The following MACO1 variants were observed in gnomAD, a reference collection of about 807,000 sequenced individuals.
The protein encoded by MACO1 is macoilin.
Under a neutral mutation model 78.7 loss-of-function variants are expected in MACO1, and 14 were observed. The observed-to-expected ratio is 0.18, with a 90% confidence interval of 0.12 to 0.28. The LOEUF (loss-of-function observed/expected upper bound fraction) is 0.28, where lower values mean the gene tolerates loss of function less well. Ranked by LOEUF, MACO1 falls within the 10% of genes least tolerant of loss-of-function variation. MACO1 has a pLI of 1.00. For synonymous variants in MACO1, 288 were observed against 291.6 expected (o/e 0.99, Z 0.12); for missense variants, 501 against 799.0 (o/e 0.63, Z 4.50).
intron 4 of MACO1, 56 bp downstream of exon 4, chr1:25,454,438 ATGTGTGTGTGTGTGTGTG>A (rs71589767): frequency 7.7e-6 from 2 of 258,916 alleles, no homozygotes; most frequent in Non-Finnish European, 5.7e-6. Flanking sequence ...ATGTATATAT[ATGTGTGTGTGTGTGTGTG>A]TGTGTGTGTG....
Position 25,485,816 on chromosome 1 carries a change from T to C in MACO1, c.1496+21T>C, listed in dbSNP as rs765443415. ...TCTAGGTATGTCCATGTCACCTGAG[T>C]GTTTAATCCAAGGTTGGCTTTCCTT... On this transcript the variant is annotated intron_variant, in intron 8 of 10. Coordinates refer to ENST00000374343, the MANE Select transcript of MACO1 (RefSeq NM_018202.6). The surrounding 1 kb of genome is among the most constrained non-coding windows in gnomAD (Gnocchi z 4.3). 3.8e-6 allele frequency: 6 copies of C among 1,591,532 alleles called. No homozygotes were observed. The highest frequency in any genetic ancestry group is 4.3e-6 in the Non-Finnish European group (5 of 1,169,924).
chr1:25,496,578 G>A (rs2043539106), intron 10 of MACO1, among the ~76,000 whole-genome samples: 1 of 152,144 alleles, frequency 6.6e-6, no homozygotes, highest in Non-Finnish European at 1.5e-5. Flanking sequence ...GTGAGGCTTT[G>A]GAACAAAGTG....
Position 25,458,634 on chromosome 1 carries a change from A to G in MACO1, c.896A>G (p.Asn299Ser). The change falls in exon 6 of 11, where the codon AAT (asparagine) becomes AGT (serine). Residue 299 changes from asparagine to serine, a missense_variant. Asn to Ser is a conservative substitution (Grantham distance 46). This residue lies in a region of MACO1 where 90 missense variants were observed against 85.7 expected (regional missense o/e 1.05). Coordinates refer to ENST00000374343, the MANE Select transcript of MACO1 (RefSeq NM_018202.6). ...MENHINSKRL[N>S]NDLVGSTENL... ...AACCATATCAATAGTAAAAGATTAAATAATGATCTTGTGGGAAGTACAGAA... is the reference window on the plus strand; with the variant it reads ...AACCATATCAATAGTAAAAGATTAAGTAATGATCTTGTGGGAAGTACAGAA... 1 of 1,614,140 alleles carries G rather than the reference A, an allele frequency of 6.2e-7. No homozygotes were observed. Among genetic ancestry groups the G allele is most frequent in the South Asian group, 1.1e-5 (1 of 91,080 alleles).
At chr1:25,450,240 T>C (rs778106333) in intron 3 of MACO1, among the ~76,000 whole-genome samples, 21 of 152,208 alleles carry the variant, frequency 1.4e-4, no homozygotes, top group Non-Finnish European at 2.6e-4. Flanking sequence ...CTTTTCCTTA[T>C]ATATTTTAAG....
At chr1:25,464,486 A>G (rs1412246526) in intron 6 of MACO1, among the ~76,000 whole-genome samples, 4 of 151,436 alleles carry the variant, frequency 2.6e-5, no homozygotes, top group African/African-American at 9.7e-5. Context: ...TTGGGATTAC[A>G]GGCAGCTGCC....
intron 3 of MACO1, among the ~76,000 whole-genome samples, chr1:25,450,318 A>C (rs2043054351): frequency 2.0e-5 from 3 of 152,114 alleles, no homozygotes; most frequent in African/African-American, 7.2e-5. Context: ...TTCTGACTAG[A>C]GTAGAGCTCC....
At chr1:25,445,412 A>G (rs1039953939) in intron 1 of MACO1, among the ~76,000 whole-genome samples, 2 of 152,166 alleles carry the variant, frequency 1.3e-5, no homozygotes, top group East Asian at 3.8e-4. Context: ...GATAAATATT[A>G]GAAATCGACC....
At chr1:25,477,358 G>C (rs1006209841) in intron 6 of MACO1, among the ~76,000 whole-genome samples, 1 of 149,150 alleles carries the variant, frequency 6.7e-6, no homozygotes, top group Non-Finnish European at 1.5e-5. Context: ...CTGATGTGAA[G>C]GGTTTGTTAG....
chr1:25,498,042 G>T (rs908131190), intron 10 of MACO1, among the ~76,000 whole-genome samples: 2 of 152,212 alleles, frequency 1.3e-5, no homozygotes, highest in East Asian at 1.9e-4. Context: ...TTTTTCCATG[G>T]CTGGGAAGAA....
In MACO1 at chr1:25,431,041, G is replaced by A. The variant is rs979313815; in HGVS notation, c.-58G>A. ...CGACGCGGGGCGGGCCAGCGGCGGC[G>A]GCAGCTGAGGTGAGAGACGGCGGCG... On this transcript the variant is annotated 5_prime_UTR_variant, in exon 1 of 11. Transcript: ENST00000374343. 5.4e-5 allele frequency: 78 copies of A among 1,432,338 alleles called. No individual in the cohort carries two copies. Among genetic ancestry groups the A allele is most frequent in the Non-Finnish European group, 6.9e-5 (73 of 1,061,282 alleles). The allele number at this position is 1,432,338 out of a possible 1,614,324, so 88.7% of individuals were successfully genotyped here. A position where few individuals can be genotyped will look rare whatever the true frequency, so the allele number is the denominator to read the frequency against.
intron 6 of MACO1, among the ~76,000 whole-genome samples, chr1:25,473,848 TC>T (rs1233870319): frequency 1.3e-5 from 2 of 152,248 alleles, no homozygotes; most frequent in Non-Finnish European, 2.9e-5. Flanking sequence ...AAACCAACTT[TC>T]AGTTTCTTTT....
chr1:25,450,971 G>A (rs994231779), intron 3 of MACO1, among the ~76,000 whole-genome samples: 1 of 152,102 alleles, frequency 6.6e-6, no homozygotes, highest in Non-Finnish European at 1.5e-5. Context: ...TCTTAGTAGT[G>A]GAGAAGAAAC....
intron 10 of MACO1, among the ~76,000 whole-genome samples, chr1:25,492,225 T>G (rs1016800163): frequency 1.3e-5 from 2 of 152,266 alleles, no homozygotes; most frequent in Admixed American, 6.5e-5. Flanking sequence ...TGAGACCTAC[T>G]TTGTGCCAAG....
chr1:25,447,595 A>T (rs1451073345), intron 2 of MACO1, among the ~76,000 whole-genome samples: 1 of 152,228 alleles, frequency 6.6e-6, no homozygotes, highest in Non-Finnish European at 1.5e-5. Context: ...TCAATGGAAG[A>T]CACCTACATT....
chr1:25,439,254 G>A (rs1557657322), intron 1 of MACO1, among the ~76,000 whole-genome samples: 1 of 152,036 alleles, frequency 6.6e-6, no homozygotes, highest in Non-Finnish European at 1.5e-5. Flanking sequence ...AAAATAGCCA[G>A]GCATGGTGGC....
chr1:25,431,250 C>G (rs1161604069), intron 1 of MACO1, 72 bp downstream of exon 1: 1 of 1,241,782 alleles, frequency 8.1e-7, no homozygotes, highest in African/African-American at 1.6e-5. Flanking sequence ...GGCCTGGCCC[C>G]GTTATGTAAC....
intron 1 of MACO1, among the ~76,000 whole-genome samples, chr1:25,431,617 A>C (rs1480311340): frequency 6.6e-6 from 1 of 151,960 alleles, no homozygotes; most frequent in African/African-American, 2.4e-5. Flanking sequence ...CGCGTGGACC[A>C]CAGCGCGGGG....
chr1:25,463,433 T>G (rs747919646), intron 6 of MACO1, among the ~76,000 whole-genome samples: 15 of 152,244 alleles, frequency 9.9e-5, no homozygotes, highest in Non-Finnish European at 1.5e-4. Flanking sequence ...CTGTTGGTTT[T>G]AGAAACATAT....
intron 6 of MACO1, among the ~76,000 whole-genome samples, chr1:25,483,188 T>C (rs1174300901): frequency 6.6e-6 from 1 of 152,120 alleles, no homozygotes; most frequent in African/African-American, 2.4e-5. Context: ...GTAGCTGGGA[T>C]TACAGGCACG....
Sources: gnomAD v4.1 joint callset for allele counts (sites outside exome capture counted in the v4.1 genomes callset) on GRCh38, gnomAD v4.1.1 for gene constraint, gnomAD v4.1.1 regional missense constraint, Gnocchi (gnomAD v3.1) non-coding constraint, MANE v1.5 for transcripts, NCBI Gene and HGNC (gene_info 2026-07-23, HGNC 2026-07-21) for gene names.